EYA3: variants seen among roughly 807,000 people sequenced by gnomAD.
EYA3 encodes protein phosphatase EYA3.
A neutral mutation model predicts 80.0 loss-of-function variants in EYA3; 39 were observed. The observed-to-expected ratio is 0.49, with a 90% CI of 0.38 to 0.64. The LOEUF is 0.64. Among genes scored for constraint, EYA3 ranks in the 30% least tolerant of loss-of-function variants. The pLI is 0.00. For synonymous variants in EYA3, 206 were observed against 232.8 expected, an observed-to-expected ratio of 0.88 and a Z score of 1.05; for missense variants, 523 against 676.1, an observed-to-expected ratio of 0.77 and a Z score of 2.51.
intron 1 of EYA3, among the ~76,000 whole-genome samples, chr1:28,062,416 C>T: frequency 6.6e-6 from 1 of 152,050 alleles, no homozygotes; most frequent in East Asian, 1.9e-4. Flanking sequence ...AAAGCAGGAT[C>T]TTTCTGTAAT....
chr1:28,049,157 T>C (rs1644144759), intron 2 of EYA3, among the ~76,000 whole-genome samples: 1 of 152,208 alleles, frequency 6.6e-6, no homozygotes, highest in Non-Finnish European at 1.5e-5. Context: ...GCAGAAACTC[T>C]CCTAGATAAT....
chr1:27,999,232 T>G (rs1483354330), intron 12 of EYA3, among the ~76,000 whole-genome samples: 1 of 152,198 alleles, frequency 6.6e-6, no homozygotes, highest in Non-Finnish European at 1.5e-5. Context: ...GTAATCAGTG[T>G]TGGTAGTTTC....
chr1:28,023,246 T>C (rs760854946), intron 7 of EYA3, among the ~76,000 whole-genome samples: 8 of 152,082 alleles, frequency 5.3e-5, no homozygotes, highest in Non-Finnish European at 1.2e-4. Flanking sequence ...CACAAAAAAA[T>C]GACTGAATAA....
At chr1:28,077,469 A>C (rs1645263550) in intron 1 of EYA3, among the ~76,000 whole-genome samples, 1 of 152,188 alleles carries the variant, frequency 6.6e-6, no homozygotes, top group Non-Finnish European at 1.5e-5. Context: ...CATAGTAAAA[A>C]GTATTAAGAA....
intron 2 of EYA3, among the ~76,000 whole-genome samples, chr1:28,055,192 G>C (rs1644393865): frequency 6.6e-6 from 1 of 152,158 alleles, no homozygotes; most frequent in African/African-American, 2.4e-5. Flanking sequence ...TACTTCTTCA[G>C]GGACTCTCAG....
At chr1:27,996,413 A>G (rs957347473) in intron 13 of EYA3, among the ~76,000 whole-genome samples, 13 of 152,006 alleles carry the variant, frequency 8.6e-5, no homozygotes, top group Non-Finnish European at 1.6e-4. Context: ...GTATAAGAGG[A>G]AAAAAAACAA....
At chr1:28,059,371 G>C (rs1199016799) in intron 1 of EYA3, among the ~76,000 whole-genome samples, 1 of 152,182 alleles carries the variant, frequency 6.6e-6, no homozygotes, top group Non-Finnish European at 1.5e-5. Flanking sequence ...CAAAAGCTAA[G>C]TTCTCCTACT....
At chr1:28,082,079 A>C (rs1645449920) in intron 1 of EYA3, among the ~76,000 whole-genome samples, 1 of 152,126 alleles carries the variant, frequency 6.6e-6, no homozygotes, top group African/African-American at 2.4e-5. Context: ...CTCCATAACA[A>C]TACTTTCCCA....
At chr1:27,975,063 C>A (rs759601612) in intron 17 of EYA3, among the ~76,000 whole-genome samples, 1 of 152,182 alleles carries the variant, frequency 6.6e-6, no homozygotes, top group South Asian at 2.1e-4. Flanking sequence ...AACTGCAACA[C>A]CTAAATCTTA....
chr1:28,080,238 A>G (rs1234136793), intron 1 of EYA3, among the ~76,000 whole-genome samples: 1 of 152,004 alleles, frequency 6.6e-6, no homozygotes, highest in Non-Finnish European at 1.5e-5. Context: ...TGAGCCCAGG[A>G]GTTCAAGACC....
At position 28,035,570 on chromosome 1, in the gene EYA3, G is replaced by C. The variant is rs1181068880; in HGVS notation, c.335C>G (p.Thr112Ser). Residue 112 changes from threonine to serine, a missense_variant, in exon 6 of 18, where the codon ACC (threonine) becomes AGC (serine). Physicochemically the swap from Thr to Ser is moderately conservative, Grantham distance 58. This residue lies in a region of EYA3 where 304 missense variants were observed against 343.3 expected (regional missense o/e 0.89). Coordinates refer to ENST00000373871, the MANE Select transcript of EYA3 (RefSeq NM_001990.4). Reference protein sequence around the residue: ...TQPYAVYPQATQTYGLPPFGA... With the variant: ...TQPYAVYPQASQTYGLPPFGA... The stretch of plus-strand genomic sequence containing the variant: ...AAAAGGAGGTAGTCCATACGTTTGG[G>C]TTGCCTGAGGGTAGACAGCATAGGG... 3 of 1,614,062 alleles carry C rather than the reference G, an allele frequency of 1.9e-6. No homozygotes were observed. The highest frequency in any genetic ancestry group is 2.5e-6 in the Non-Finnish European group (3 of 1,179,978).
intron 7 of EYA3, among the ~76,000 whole-genome samples, chr1:28,026,145 C>T (rs1026149775): frequency 4.6e-5 from 7 of 152,230 alleles, no homozygotes; most frequent in African/African-American, 1.7e-4. Context: ...ACAGCTATCA[C>T]ATTCCTCAAA....
intron 1 of EYA3, among the ~76,000 whole-genome samples, chr1:28,075,463 A>G (rs1181229632): frequency 6.6e-6 from 1 of 152,170 alleles, no homozygotes; most frequent in Non-Finnish European, 1.5e-5. Flanking sequence ...TGGTCTTGTG[A>G]ATGAGGTTTT....
chr1:28,015,251 TGAG>T (rs891555305), intron 8 of EYA3, among the ~76,000 whole-genome samples: 1 of 152,206 alleles, frequency 6.6e-6, no homozygotes, highest in Non-Finnish European at 1.5e-5. Flanking sequence ...GAATAGGCTC[TGAG>T]GAGATTTTAT....
chr1:28,029,034 T>C (rs1642957078), intron 6 of EYA3, among the ~76,000 whole-genome samples: 2 of 152,312 alleles, frequency 1.3e-5, no homozygotes, highest in Admixed American at 6.5e-5. Context: ...GTGTTATACA[T>C]AGTGTACATA....
intron 16 of EYA3, among the ~76,000 whole-genome samples, chr1:27,985,115 TTGCCCAGACTGGAGTACAGTGGCATAA>T (rs1253556439): frequency 6.6e-6 from 1 of 152,206 alleles, no homozygotes; most frequent in Non-Finnish European, 1.5e-5. Flanking sequence ...TCTCACTGTG[TTGCCCAGACTGGAGTACAGTGGCATAA>T]TCACGGCTCA....
At chr1:28,081,256 C>T (rs1056330041) in intron 1 of EYA3, among the ~76,000 whole-genome samples, 7 of 152,144 alleles carry the variant, frequency 4.6e-5, no homozygotes, top group African/African-American at 1.7e-4. Context: ...AAATGCCCCA[C>T]TAAATATGAG....
In EYA3 at chr1:27,992,242, G is replaced by A. The variant is rs753283256; in HGVS notation, c.1303+1158C>T. 2.0e-5 allele frequency among the ~76,000 whole-genome samples: 3 copies of A among 151,942 alleles called. 1 individual carries two copies. In the South Asian group the frequency reaches 6.2e-4, roughly 31 times the overall value. ...CTTTTCAGCACCAGGGACCAGTTTC[G>A]TAGAGGACAATTTTTCCATGGACCT... On this transcript the variant is annotated intron_variant, in intron 14 of 17. Transcript: ENST00000373871.
intron 2 of EYA3, among the ~76,000 whole-genome samples, chr1:28,050,103 G>A (rs540880925): frequency 4.6e-5 from 7 of 151,068 alleles, no homozygotes; most frequent in African/African-American, 1.5e-4. Flanking sequence ...AACAAATTTA[G>A]TTAATCAACT....
Sources: gnomAD v4.1 joint callset for allele counts (sites outside exome capture counted in the v4.1 genomes callset) on GRCh38, gnomAD v4.1.1 for gene constraint, gnomAD v4.1.1 regional missense constraint, MANE v1.5 for transcripts, NCBI Gene and HGNC (gene_info 2026-07-23, HGNC 2026-07-21) for gene names.